Variants in CDK6 observed in about 807,000 individuals in gnomAD.
The protein encoded by CDK6 is cyclin-dependent kinase 6.
CDK6 carries 6 observed loss-of-function variants against 37.1 expected under a neutral mutation model. The observed-to-expected ratio is 0.16, with a 90% confidence interval of 0.09 to 0.32. The LOEUF is 0.32. Among genes scored for constraint, CDK6 ranks in the 10% least tolerant of loss-of-function variants. The probability of loss-of-function intolerance (pLI) is 1.00; values close to 1 mark genes in which losing one functional copy is unlikely to be tolerated. For missense variants in CDK6, 224 were observed against 418.9 expected, an observed-to-expected ratio of 0.53 and a Z score of 4.06; for synonymous variants, 160 against 161.3, an observed-to-expected ratio of 0.99 and a Z score of 0.06.
intron 5 of CDK6, among the ~76,000 whole-genome samples, chr7:92,642,062 T>C (rs1328286661): frequency 6.6e-6 from 1 of 152,098 alleles, no homozygotes; most frequent in Admixed American, 6.6e-5. Context: ...CGTAAGGTAC[T>C]TCTTCCTGTG....
intron 5 of CDK6, among the ~76,000 whole-genome samples, chr7:92,625,759 A>G (rs183853235): frequency 1.3e-5 from 2 of 152,204 alleles, no homozygotes. Flanking sequence ...TTAACAGATG[A>G]GAAGTGTATA....
At chr7:92,685,033 C>T (rs564672476) in intron 4 of CDK6, among the ~76,000 whole-genome samples, 1 of 152,056 alleles carries the variant, frequency 6.6e-6, no homozygotes, top group South Asian at 2.1e-4. Flanking sequence ...TCTTTTATAA[C>T]ACAGTTTTGC....
At position 92,609,148 on chromosome 7, in the gene CDK6, A is replaced by G. The variant is rs1795505356; in HGVS notation, c.*5992T>C. On this transcript the variant is annotated 3_prime_UTR_variant, in exon 8 of 8. Coordinates refer to ENST00000424848, the MANE Select transcript of CDK6 (RefSeq NM_001145306.2). ...CTCATCTGCTTGCCACTCAGGAGGA[A>G]AGTTGGGCAGGCACCGTCGAGTGTC... 4.3e-6 allele frequency: 1 copy of G among 232,648 alleles called. No homozygotes were observed. The highest frequency in any genetic ancestry group is 8.5e-6 in the Non-Finnish European group (1 of 117,848). The allele number at this position is 232,648 out of a possible 1,614,324, so 14.4% of individuals were successfully genotyped here.
chr7:92,833,567 C>CCGT lies in CDK6; in HGVS notation c.-245_-244insACG. ...CCGCGAAACTCCGCCTGCAGAGTCG[C>CCGT]CGCCGCCGCCGCCGCCGGAGGAGCG... On this transcript the variant is annotated 5_prime_UTR_variant, in exon 2 of 8. Coordinates refer to ENST00000424848, the MANE Select transcript of CDK6 (RefSeq NM_001145306.2). This position sits in a 1 kb window ranked among gnomAD's most constrained non-coding sequence, Gnocchi z 6.1. 1 of 513,830 alleles carries CCGT rather than the reference C, an allele frequency of 1.9e-6. No homozygotes were observed. The highest frequency in any genetic ancestry group is 3.4e-6 in the Non-Finnish European group (1 of 296,352). 31.8% of individuals were successfully genotyped at this position (513,830 alleles called of 1,614,324 possible). A position where few individuals can be genotyped will look rare whatever the true frequency, so the allele number is the denominator to read the frequency against.
chr7:92,789,341 G>C (rs1249547191), intron 2 of CDK6, among the ~76,000 whole-genome samples: 1 of 152,142 alleles, frequency 6.6e-6, no homozygotes, highest in African/African-American at 2.4e-5. Context: ...GTAACATGGA[G>C]CCATATGAAG....
chr7:92,807,006 T>C (rs1489076251), intron 2 of CDK6, among the ~76,000 whole-genome samples: 1 of 152,222 alleles, frequency 6.6e-6, no homozygotes, highest in Non-Finnish European at 1.5e-5. Context: ...CATACTGAAG[T>C]TGTAGCTTAT....
At chr7:92,656,152 G>C (rs1414160547) in intron 5 of CDK6, among the ~76,000 whole-genome samples, 1 of 152,076 alleles carries the variant, frequency 6.6e-6, no homozygotes, top group Non-Finnish European at 1.5e-5. Flanking sequence ...TGGAGGGAGG[G>C]AAGAAGAGAA....
chr7:92,788,388 T>A (rs1800197041), intron 2 of CDK6, among the ~76,000 whole-genome samples: 1 of 152,224 alleles, frequency 6.6e-6, no homozygotes, highest in Non-Finnish European at 1.5e-5. Context: ...GTCATCTGGT[T>A]GTCCCATGTA....
At chr7:92,722,827 T>C (rs1180356048) in intron 4 of CDK6, among the ~76,000 whole-genome samples, 1 of 152,218 alleles carries the variant, frequency 6.6e-6, no homozygotes, top group Non-Finnish European at 1.5e-5. Flanking sequence ...AAGATGAGCA[T>C]CTGCCTTCGA....
intron 2 of CDK6, among the ~76,000 whole-genome samples, chr7:92,797,792 T>C (rs1800452913): frequency 6.6e-6 from 1 of 152,232 alleles, no homozygotes. Context: ...TGGTTTATAC[T>C]GAATTGTTTT....
At position 92,609,916 on chromosome 7, in the gene CDK6, A is replaced by G. The variant is rs1795525147; in HGVS notation, c.*5224T>C. The G allele has an allele frequency of 4.3e-6, 1 of 230,580 alleles. No individual in the cohort carries two copies. The allele number at this position is 230,580 out of a possible 1,614,324, so 14.3% of individuals were successfully genotyped here. On this transcript the variant is annotated 3_prime_UTR_variant, in exon 8 of 8. Transcript: ENST00000424848. ...ATTTATTTGCAGACAATTGTTCAGA[A>G]CCTAGGTAACAAGTAAAATATTGAA... is the stretch of plus-strand genomic sequence containing the variant.
chr7:92,755,145 C>T (rs1332976717), intron 3 of CDK6, among the ~76,000 whole-genome samples: 1 of 151,996 alleles, frequency 6.6e-6, no homozygotes, highest in Non-Finnish European at 1.5e-5. Flanking sequence ...ATTTACTGGT[C>T]CCTTTGAAGG....
At chr7:92,651,701 G>A (rs1796578290) in intron 5 of CDK6, among the ~76,000 whole-genome samples, 2 of 151,834 alleles carry the variant, frequency 1.3e-5, no homozygotes, top group Non-Finnish European at 2.9e-5. Context: ...AGGAATAACA[G>A]CAAATGTCTA....
At position 92,618,147 on chromosome 7, in the gene CDK6, A is replaced by G. The variant is rs1795721575; in HGVS notation, c.759T>C (p.Ala253=). Residue 253 remains alanine (A), a synonymous_variant, in exon 7 of 8, where the codon GCT becomes GCC. Coordinates refer to ENST00000424848, the MANE Select transcript of CDK6 (RefSeq NM_001145306.2). ...WPRDVALPRQ[A]FHSKSAQPIE... The stretch of plus-strand genomic sequence containing the variant: ...TTGGTTGGGCAGATTTTGAATGAAA[A>G]GCCTGCCTGGGAAGGGCAACATCTC... The G allele has an allele frequency of 1.2e-6, 2 of 1,614,060 alleles. No individual in the cohort carries two copies. Among genetic ancestry groups the G allele is most frequent in the African/African-American group, 2.7e-5 (2 of 74,944 alleles).
chr7:92,831,989 C>T (rs371481552), intron 2 of CDK6, among the ~76,000 whole-genome samples: 1 of 152,192 alleles, frequency 6.6e-6, no homozygotes, highest in East Asian at 1.9e-4. Flanking sequence ...ATTTCATCCT[C>T]AGCGCACACA....
At chr7:92,621,772 G>C (rs1795809481) in intron 6 of CDK6, among the ~76,000 whole-genome samples, 1 of 152,134 alleles carries the variant, frequency 6.6e-6, no homozygotes, top group Non-Finnish European at 1.5e-5. Flanking sequence ...TCAGTAGTAG[G>C]AGCAGTAGCA....
intron 2 of CDK6, among the ~76,000 whole-genome samples, chr7:92,779,414 C>G (rs1799930457): frequency 6.6e-6 from 1 of 152,176 alleles, no homozygotes; most frequent in Admixed American, 6.5e-5. Context: ...TAGAGCAGAA[C>G]ATTTTCACAT....
chr7:92,768,318 C>A (rs984419923), intron 3 of CDK6, among the ~76,000 whole-genome samples: 4 of 152,152 alleles, frequency 2.6e-5, no homozygotes, highest in Non-Finnish European at 5.9e-5. Flanking sequence ...GAGGAGTGAA[C>A]TATTTTAAGT....
intron 2 of CDK6, among the ~76,000 whole-genome samples, chr7:92,820,339 G>T (rs1801141766): frequency 6.6e-6 from 1 of 152,034 alleles, no homozygotes; most frequent in South Asian, 2.1e-4. Flanking sequence ...GAAACATAAG[G>T]GCTGAATATT....
Sources: gnomAD v4.1 joint callset for allele counts (sites outside exome capture counted in the v4.1 genomes callset) on GRCh38, gnomAD v4.1.1 for gene constraint, Gnocchi (gnomAD v3.1) non-coding constraint, MANE v1.5 for transcripts, NCBI Gene and HGNC (gene_info 2026-07-23, HGNC 2026-07-21) for gene names.